Variants in MTFR1 observed in about 807,000 individuals in gnomAD.
MTFR1 encodes chondrocyte protein with a poly-proline region.
A neutral mutation model predicts 38.8 loss-of-function variants in MTFR1; 28 were observed. That is an observed-to-expected ratio of 0.72 (90% CI 0.53 to 0.99). The LOEUF (loss-of-function observed/expected upper bound fraction) is 0.99. Ranked by LOEUF, MTFR1 falls within the 50% of genes least tolerant of loss-of-function variation. MTFR1 has a pLI of 0.00. For missense variants in MTFR1, 358 were observed against 395.5 expected (o/e 0.91, Z 0.81); for synonymous variants, 145 against 137.0 (o/e 1.06, Z -0.41).
chr8:65,714,560 C>T (rs1024073898), downstream of MTFR1: 16 of 152,068 alleles, frequency 1.1e-4, no homozygotes, highest in African/African-American at 3.4e-4. Context: ...TGTATTACTC[C>T]GTGTTTCAAA....
intron 3 of MTFR1, among the ~76,000 whole-genome samples, chr8:65,750,666 T>C (rs1337405291): frequency 2.0e-5 from 3 of 152,190 alleles, no homozygotes; most frequent in African/African-American, 7.2e-5. Context: ...ATACTGTCAA[T>C]GGTTAAGTCA....
chr8:65,675,257 C>T (rs1209761865), intron 2 of MTFR1, among the ~76,000 whole-genome samples: 1 of 151,542 alleles, frequency 6.6e-6, no homozygotes, highest in African/African-American at 2.4e-5. Flanking sequence ...CACGCCACTG[C>T]ACTCCAGCCT....
intron 5 of MTFR1, 144 bp from the exon 6 acceptor site, chr8:65,706,866 C>A: frequency 1.2e-6 from 1 of 842,632 alleles, no homozygotes; most frequent in South Asian, 2.0e-5. Flanking sequence ...GTAACTGAAA[C>A]TGTCTTGCTT....
At chr8:65,690,111 CAT>C (rs151047005) in intron 3 of MTFR1, among the ~76,000 whole-genome samples, 4,157 of 152,142 alleles carry the variant, frequency 0.027, 134 homozygotes, top group African/African-American at 0.078. Flanking sequence ...TTATGTTTAA[CAT>C]ATTAATTTTA....
At chr8:65,705,246 C>T (rs575875901) in intron 5 of MTFR1, among the ~76,000 whole-genome samples, 10 of 152,278 alleles carry the variant, frequency 6.6e-5, no homozygotes, top group Admixed American at 5.9e-4. Flanking sequence ...ATCTCTTGAA[C>T]CTGGGGGGTG....
chr8:65,758,075 G>A (rs1808319829), intron 3 of MTFR1, among the ~76,000 whole-genome samples: 1 of 152,128 alleles, frequency 6.6e-6, no homozygotes, highest in Non-Finnish European at 1.5e-5. Flanking sequence ...TGGTCTCTGT[G>A]CTAGTCCAGA....
intron 2 of MTFR1, among the ~76,000 whole-genome samples, chr8:65,671,933 A>C (rs1804577195): frequency 1.3e-5 from 2 of 152,200 alleles, no homozygotes; most frequent in African/African-American, 4.8e-5. Flanking sequence ...ATAGTTTCTT[A>C]GATTTTTGCT....
intron 1 of MTFR1, among the ~76,000 whole-genome samples, chr8:65,667,542 C>T (rs1010661866): frequency 1.3e-5 from 2 of 152,016 alleles, no homozygotes; most frequent in Admixed American, 6.6e-5. Flanking sequence ...ATTTTCCTGC[C>T]TCAGCCTCCC....
chr8:65,775,585 T>C (rs1809236429), downstream of MTFR1, among the ~76,000 whole-genome samples: 1 of 152,224 alleles, frequency 6.6e-6, no homozygotes, highest in Non-Finnish European at 1.5e-5. Context: ...GCTATTAATT[T>C]CTAGTATCAG....
chr8:65,758,289 G>A lies in MTFR1; in HGVS notation c.*49-12658G>A, dbSNP rs570735289. Among the ~76,000 whole-genome samples, 3 of 152,262 alleles carry A rather than the reference G, an allele frequency of 2.0e-5. No homozygotes were observed. In the East Asian group the frequency reaches 5.8e-4, roughly 29 times the overall value. ...AGGCCCTCAGGAATTCTGGCATAAG[G>A]CTTAAAAATACAGTTATACTTTCTT... On this transcript the variant is annotated intron_variant, in intron 3 of 3. Transcript: ENST00000521247.
At chr8:65,685,454 C>T (rs1319713213) in intron 3 of MTFR1, among the ~76,000 whole-genome samples, 1 of 152,184 alleles carries the variant, frequency 6.6e-6, no homozygotes, top group East Asian at 1.9e-4. Context: ...ACATTTTTCT[C>T]TCTGGTAAAC....
chr8:65,679,620 A>T, intron 2 of MTFR1: 1 of 152,202 alleles, frequency 6.6e-6, no homozygotes, highest in East Asian at 1.9e-4. Flanking sequence ...GTGAAACTCC[A>T]TCTCAAAAAT....
intron 2 of MTFR1, among the ~76,000 whole-genome samples, chr8:65,716,241 G>A (rs1209274588): frequency 6.6e-6 from 1 of 151,894 alleles, no homozygotes; most frequent in African/African-American, 2.4e-5. Flanking sequence ...TGTGTAGGCA[G>A]GAAATGGGAG....
chr8:65,677,068 CT>C (rs1166560010), intron 2 of MTFR1, among the ~76,000 whole-genome samples: 8,248 of 100,142 alleles, frequency 0.082, 93 homozygotes, highest in Non-Finnish European at 0.11. Context: ...CTATTTCTCT[CT>C]TTTTTTTTTT....
At chr8:65,727,468 T>C (rs1485023033) in intron 3 of MTFR1, 1 of 869,174 alleles carries the variant, frequency 1.2e-6, no homozygotes, top group African/African-American at 1.7e-5. Context: ...ATCTGCCAGG[T>C]CCTGATCTCA....
chr8:65,647,417 AT>A (rs763214565), intron 1 of MTFR1, among the ~76,000 whole-genome samples: 1 of 152,134 alleles, frequency 6.6e-6, no homozygotes, highest in Non-Finnish European at 1.5e-5. Flanking sequence ...GGTTCAAGCG[AT>A]TCTCCTGCCT....
At chr8:65,652,516 G>A (rs1305407049) in intron 1 of MTFR1, among the ~76,000 whole-genome samples, 2 of 152,166 alleles carry the variant, frequency 1.3e-5, no homozygotes, top group Non-Finnish European at 2.9e-5. Context: ...TTACAGGCAT[G>A]AGCCACCACC....
intron 3 of MTFR1, among the ~76,000 whole-genome samples, chr8:65,730,174 T>A: frequency 5.1e-5 from 1 of 19,418 alleles, no homozygotes. Flanking sequence ...CGCACTTCTT[T>A]TTTTTTTTTT....
chr8:65,719,337 A>G, intron 2 of MTFR1: 1 of 1,614,138 alleles, frequency 6.2e-7, no homozygotes, highest in Non-Finnish European at 8.5e-7. Flanking sequence ...TTCAACTCAA[A>G]TGCAGCATCA....
Sources: allele counts gnomAD v4.1 joint callset (sites outside exome capture counted in the v4.1 genomes callset), GRCh38; gene constraint gnomAD v4.1.1; transcripts MANE v1.5; gene names NCBI Gene and HGNC (gene_info 2026-07-23, HGNC 2026-07-21).